USP32: variants seen among roughly 807,000 people sequenced by gnomAD.
The protein encoded by USP32 is ubiquitin specific peptidase 32, also known as ubiquitin carboxyl-terminal hydrolase 32.
In USP32, 59 loss-of-function variants were observed where a neutral mutation model predicts 204.8. The observed-to-expected ratio is 0.29, with a 90% CI of 0.23 to 0.36. The LOEUF (loss-of-function observed/expected upper bound fraction) is 0.36, where lower values mean the gene tolerates loss of function less well. USP32 is among the 10% of genes least tolerant of loss of function. The probability of loss-of-function intolerance (pLI) is 1.00; values close to 1 mark genes in which losing one functional copy is unlikely to be tolerated. For missense variants in USP32, 1,160 were observed against 1,946.4 expected (o/e 0.60, Z 7.60); for synonymous variants, 517 against 678.4 (o/e 0.76, Z 3.70).
chr17:60,277,636 A>C (rs237959), intron 5 of USP32, among the ~76,000 whole-genome samples: 19,517 of 152,210 alleles, frequency 0.13, 2,583 homozygotes, highest in African/African-American at 0.33. Context: ...GACAATATAC[A>C]TTTCTTGAGT....
Position 60,345,694 on chromosome 17 carries a change from A to G in USP32, c.59-86T>C, listed in dbSNP as rs2088769146. Reference sequence around the variant, plus strand: ...TTTTTTCAACCTGGCTCCTAAGAAAAATTGAGGCTAGGCACAGTGGCTCAC... The same window carrying G: ...TTTTTTCAACCTGGCTCCTAAGAAAGATTGAGGCTAGGCACAGTGGCTCAC... On this transcript the variant is annotated intron_variant, in intron 1 of 33. Coordinates refer to ENST00000300896, the MANE Select transcript of USP32 (RefSeq NM_032582.4). 5 of 1,579,144 alleles carry G rather than the reference A, an allele frequency of 3.2e-6. No individual in the cohort carries two copies. In the East Asian group the frequency reaches 1.1e-4, roughly 36 times the overall value.
chr17:60,239,167 C>T (rs1567794022), intron 11 of USP32, among the ~76,000 whole-genome samples: 2 of 152,164 alleles, frequency 1.3e-5, no homozygotes, highest in African/African-American at 4.8e-5. Context: ...CCACTCACTT[C>T]TGGATTCCAT....
intron 2 of USP32, among the ~76,000 whole-genome samples, chr17:60,306,405 A>AG (rs2087723783): frequency 6.6e-6 from 1 of 152,154 alleles, no homozygotes; most frequent in African/African-American, 2.4e-5. Context: ...TGGAAAGCCG[A>AG]GGGGGGTGGA....
intron 2 of USP32, among the ~76,000 whole-genome samples, chr17:60,319,681 G>T (rs998748546): frequency 6.6e-6 from 1 of 152,142 alleles, no homozygotes; most frequent in Non-Finnish European, 1.5e-5. Context: ...TCAAGTGGCT[G>T]AGGTAGGAGG....
intron 1 of USP32, among the ~76,000 whole-genome samples, chr17:60,413,876 GAA>G (rs753405307): frequency 1.1e-4 from 10 of 95,148 alleles, no homozygotes; most frequent in African/African-American, 1.5e-4. Context: ...AAAAAAAAAA[GAA>G]AAAAAAAAAA....
chr17:60,279,743 G>A (rs1021502440), intron 5 of USP32, among the ~76,000 whole-genome samples: 26 of 150,682 alleles, frequency 1.7e-4, no homozygotes, highest in Non-Finnish European at 2.7e-4. Context: ...AGGCTGAGGT[G>A]GGGGGATCAC....
chr17:60,391,424 C>A (rs1163289099), intron 1 of USP32, among the ~76,000 whole-genome samples: 5 of 152,186 alleles, frequency 3.3e-5, no homozygotes, highest in African/African-American at 1.2e-4. Context: ...CTTCCAGTAG[C>A]AGAGAGGAGC....
intron 1 of USP32, among the ~76,000 whole-genome samples, chr17:60,404,104 C>T (rs1265716787): frequency 3.3e-5 from 5 of 151,726 alleles, no homozygotes; most frequent in African/African-American, 4.8e-5. Context: ...ACACATATTT[C>T]TGGGGATTAC....
At chr17:60,358,163 A>G (rs1016120467) in intron 1 of USP32, among the ~76,000 whole-genome samples, 2 of 152,218 alleles carry the variant, frequency 1.3e-5, no homozygotes, top group African/African-American at 4.8e-5. Flanking sequence ...TTGCAAATAT[A>G]GAGTATTTCA....
intron 3 of USP32, 38 bp downstream of exon 3, chr17:60,301,561 C>A (rs1242470623): frequency 7.6e-7 from 1 of 1,314,068 alleles, no homozygotes; most frequent in Admixed American, 2.5e-5. Context: ...TTATTCTGTA[C>A]ATAGACGAAT....
At chr17:60,365,396 G>A (rs61186636) in intron 1 of USP32, among the ~76,000 whole-genome samples, 5,385 of 152,064 alleles carry the variant, frequency 0.035, 329 homozygotes, top group African/African-American at 0.12. Flanking sequence ...TAGGATAATC[G>A]CTTGAACACA....
chr17:60,200,948 C>T (rs1287466481), intron 26 of USP32, among the ~76,000 whole-genome samples: 1 of 152,192 alleles, frequency 6.6e-6, no homozygotes. Flanking sequence ...CAACCTCCAC[C>T]TTCTGGGCTT....
chr17:60,213,742 T>C (rs1243781565), intron 17 of USP32, 80 bp from the exon 18 acceptor site: 7 of 1,496,264 alleles, frequency 4.7e-6, no homozygotes, highest in Non-Finnish European at 6.3e-6. Flanking sequence ...GAGTAACAAT[T>C]AAAAAAACAA....
chr17:60,297,907 T>C (rs2087477345), intron 3 of USP32, among the ~76,000 whole-genome samples: 1 of 152,190 alleles, frequency 6.6e-6, no homozygotes, highest in Non-Finnish European at 1.5e-5. Context: ...AACTACAGCT[T>C]TGACTGGACA....
chr17:60,244,995 T>C (rs898489856), intron 11 of USP32, among the ~76,000 whole-genome samples: 2 of 152,232 alleles, frequency 1.3e-5, no homozygotes, highest in Admixed American at 6.5e-5. Flanking sequence ...ACTAAAAAAG[T>C]GTAGAAACTA....
At chr17:60,353,189 C>A (rs189698704) in intron 1 of USP32, among the ~76,000 whole-genome samples, 1 of 152,168 alleles carries the variant, frequency 6.6e-6, no homozygotes. Flanking sequence ...GAAGAAGAGA[C>A]ACCAAAGGGC....
chr17:60,216,085 A>G (rs964404714), intron 16 of USP32, among the ~76,000 whole-genome samples: 2 of 152,224 alleles, frequency 1.3e-5, no homozygotes, highest in African/African-American at 2.4e-5. Context: ...TAAGGAAAAA[A>G]AAAAAATCGT....
At chr17:60,188,000 A>G (rs1470067521) in intron 29 of USP32, among the ~76,000 whole-genome samples, 1 of 151,552 alleles carries the variant, frequency 6.6e-6, no homozygotes, top group East Asian at 1.9e-4. Context: ...TGTTTTTTTG[A>G]GACAGGTTCT....
chr17:60,290,593 C>T (rs989349023), intron 4 of USP32, among the ~76,000 whole-genome samples: 8 of 151,966 alleles, frequency 5.3e-5, no homozygotes, highest in Admixed American at 6.6e-5. Flanking sequence ...TTAGTGGTTG[C>T]GATATTGTTA....
Sources: allele counts gnomAD v4.1 joint callset (sites outside exome capture counted in the v4.1 genomes callset), GRCh38; gene constraint gnomAD v4.1.1; transcripts MANE v1.5; gene names NCBI Gene and HGNC (gene_info 2026-07-23, HGNC 2026-07-21).